The following UGT3A2 variants were observed in gnomAD, a reference collection of about 807,000 sequenced individuals.
UGT3A2 encodes UDP glycosyltransferase family 3 member A2, also known as UDP-glycosyltransferase 3A2.
A neutral mutation model predicts 39.8 loss-of-function variants in UGT3A2; 32 were observed. That is an observed-to-expected ratio of 0.80 (90% CI 0.61 to 1.08). The LOEUF is 1.08. Among genes scored for constraint, UGT3A2 ranks in the 50% least tolerant of loss-of-function variants. UGT3A2 has a pLI of 0.00. For synonymous variants in UGT3A2, 241 were observed against 230.7 expected (o/e 1.04, Z -0.40); for missense variants, 611 against 637.1 (o/e 0.96, Z 0.44).
At chr5:36,055,053 C>T (rs1334379834) in intron 2 of UGT3A2, among the ~76,000 whole-genome samples, 2 of 151,820 alleles carry the variant, frequency 1.3e-5, no homozygotes, top group East Asian at 2.0e-4. Context: ...GCAGGAGAAT[C>T]GCTTAAACCT....
chr5:36,052,770 G>C (rs1369800833), intron 2 of UGT3A2, among the ~76,000 whole-genome samples: 1 of 152,068 alleles, frequency 6.6e-6, no homozygotes, highest in Admixed American at 6.6e-5. Flanking sequence ...CACCCTATGA[G>C]TCATAAACCT....
At chr5:36,066,601 C>A in intron 1 of UGT3A2, 95 bp downstream of exon 1, 2 of 1,590,338 alleles carry the variant, frequency 1.3e-6, no homozygotes, top group Non-Finnish European at 1.7e-6. Context: ...TGGAAAATCA[C>A]GTGGATGACT....
At chr5:36,036,518 G>A (rs1741836595) in intron 6 of UGT3A2, among the ~76,000 whole-genome samples, 1 of 152,134 alleles carries the variant, frequency 6.6e-6, no homozygotes, top group Non-Finnish European at 1.5e-5. Context: ...TTTACACCAG[G>A]TCCTACAAAT....
At chr5:36,062,162 G>A (rs1364843052) in intron 2 of UGT3A2, among the ~76,000 whole-genome samples, 1 of 150,420 alleles carries the variant, frequency 6.6e-6, no homozygotes. Flanking sequence ...AGATGAGTAG[G>A]TTGCGAAAAT....
intron 4 of UGT3A2, among the ~76,000 whole-genome samples, chr5:36,040,414 A>G (rs917783794): frequency 9.2e-5 from 14 of 152,238 alleles, no homozygotes; most frequent in African/African-American, 2.9e-4. Context: ...ACAAAAAAAA[A>G]TGAGGTGAGC....
In UGT3A2 at chr5:36,051,967, T is replaced by C. The variant is rs1477335931; in HGVS notation, c.214A>G (p.Lys72Glu). 6.4e-7 allele frequency: 1 copy of C among 1,566,226 alleles called. No homozygotes were observed. Among genetic ancestry groups the C allele is most frequent in the Non-Finnish European group, 8.6e-7 (1 of 1,164,162 alleles). ...AGCCAACTGATAACTTGATATGATT[T>C]TTCTTCCTTTTTAAAATCTAAGAAA... ...PFMPDFKKEEKSYQVISWLAP... is the reference protein window; with the variant it reads ...PFMPDFKKEEESYQVISWLAP... Residue 72 changes from lysine to glutamate, a missense_variant, in exon 3 of 7, where the codon AAA becomes GAA. By Grantham distance (56) the Lys-to-Glu change is moderately conservative. Transcript: ENST00000282507.
intron 4 of UGT3A2, among the ~76,000 whole-genome samples, chr5:36,046,474 C>A (rs1410674931): frequency 1.3e-5 from 2 of 152,094 alleles, no homozygotes; most frequent in Non-Finnish European, 2.9e-5. Flanking sequence ...ATGGATGAAA[C>A]TAGAATACAT....
chr5:36,056,635 A>G (rs75883205), intron 2 of UGT3A2, among the ~76,000 whole-genome samples: 10,243 of 152,274 alleles, frequency 0.067, 1,238 homozygotes, highest in African/African-American at 0.24. Context: ...CTGACCGTTT[A>G]ATCCTGCAGA....
At position 36,048,958 on chromosome 5, in the gene UGT3A2, A is replaced by G. The variant is rs1425308275; in HGVS notation, c.774T>C (p.Ala258=). 6.2e-7 allele frequency: 1 copy of G among 1,614,208 alleles called. No individual in the cohort carries two copies. The highest frequency in any genetic ancestry group is 1.7e-5 in the Admixed American group (1 of 60,014). Reference sequence around the variant, plus strand: ...AAACAGTGTTGGGAAGCAGAGGTCGAGCAAAATCAAAGGCAAAGTCAGAGT... The same window carrying G: ...AAACAGTGTTGGGAAGCAGAGGTCGGGCAAAATCAAAGGCAAAGTCAGAGT... ...FINSDFAFDF[A]RPLLPNTVYV... Residue 258 remains alanine, a synonymous_variant, in exon 4 of 7, where the codon GCT becomes GCC. Coordinates refer to ENST00000282507, the MANE Select transcript of UGT3A2 (RefSeq NM_174914.4).
chr5:36,047,131 T>C (rs1395959144), intron 4 of UGT3A2, among the ~76,000 whole-genome samples: 1 of 152,214 alleles, frequency 6.6e-6, no homozygotes, highest in African/African-American at 2.4e-5. Context: ...AAAAATGCAG[T>C]TGTTTGTCTC....
chr5:36,045,250 T>C (rs1398343590), intron 4 of UGT3A2, among the ~76,000 whole-genome samples: 2 of 151,712 alleles, frequency 1.3e-5, no homozygotes, highest in Non-Finnish European at 2.9e-5. Flanking sequence ...CAATGAATGG[T>C]GCTAAAAAAA....
intron 2 of UGT3A2, among the ~76,000 whole-genome samples, chr5:36,056,064 T>C (rs1742503436): frequency 6.6e-6 from 1 of 152,318 alleles, no homozygotes; most frequent in South Asian, 2.1e-4. Context: ...GATAGTTTCA[T>C]CTTGATTGGT....
At chr5:36,062,883 T>G (rs1015502916) in intron 2 of UGT3A2, among the ~76,000 whole-genome samples, 2 of 151,796 alleles carry the variant, frequency 1.3e-5, no homozygotes, top group Non-Finnish European at 2.9e-5. Context: ...CTACTAAAAA[T>G]ACAAAAAATT....
intron 4 of UGT3A2, among the ~76,000 whole-genome samples, chr5:36,045,430 C>A (rs1194313144): frequency 6.6e-6 from 1 of 151,774 alleles, no homozygotes; most frequent in Non-Finnish European, 1.5e-5. Context: ...ATGGTGAAAC[C>A]CTGTCTCTAC....
intron 1 of UGT3A2, 109 bp from the exon 2 acceptor site, chr5:36,064,459 T>C (rs1001038307): frequency 4.2e-6 from 4 of 959,592 alleles, no homozygotes; most frequent in African/African-American, 3.3e-5. Flanking sequence ...TGGATAGTGA[T>C]TGGAGGAAGA....
In UGT3A2 at chr5:36,066,808, C is replaced by A. The variant is rs1285584271; in HGVS notation, c.-19G>T. 5 of 1,614,146 alleles carry A rather than the reference C, an allele frequency of 3.1e-6. No homozygotes were observed. The highest frequency in any genetic ancestry group is 1.3e-5 in the African/African-American group (1 of 75,064). ...CAGCCATGCTCACTTCTACGGAAGC[C>A]GCGGATCTCAGCCTGGGCTGCGCGC... is the stretch of plus-strand genomic sequence containing the variant. On this transcript the variant is annotated 5_prime_UTR_variant, in exon 1 of 7. Transcript: ENST00000282507.
intron 2 of UGT3A2, among the ~76,000 whole-genome samples, chr5:36,059,753 T>C (rs1018332201): frequency 1.3e-5 from 2 of 152,234 alleles, no homozygotes; most frequent in African/African-American, 4.8e-5. Context: ...AGCTGAATTG[T>C]AGCTTGTGGA....
rs760016307 is a variant in UGT3A2 at position 36,039,546 on chromosome 5, A to G, written c.1006T>C (p.Trp336Arg). Residue 336 changes from tryptophan to arginine, a missense_variant, in exon 5 of 7, where the codon TGG becomes CGG. Coordinates refer to ENST00000282507, the MANE Select transcript of UGT3A2 (RefSeq NM_174914.4). ...GVIWKCQCSH[W>R]PKDVHLAANV... ...GCAGCCAGGTGGACATCTTTGGGCC[A>G]ATGAGAACACTGACACTTCCATATC... is the stretch of plus-strand genomic sequence containing the variant. 6.2e-7 allele frequency: 1 copy of G among 1,614,196 alleles called. No individual in the cohort carries two copies. The highest frequency in any genetic ancestry group is 8.5e-7 in the Non-Finnish European group (1 of 1,180,040).
chr5:36,035,695 GC>G lies in UGT3A2; in HGVS notation c.*2del. 1 of 1,613,748 alleles carries G rather than the reference GC, an allele frequency of 6.2e-7. No individual in the cohort carries two copies. Among genetic ancestry groups the G allele is most frequent in the Non-Finnish European group, 8.5e-7 (1 of 1,179,742 alleles). ...ACAGACCCCGCCAAGGCTGCACCTGGCCTTATGTCTCCTTCACCTTTCTGGC... is the reference window on the plus strand; with the variant it reads ...ACAGACCCCGCCAAGGCTGCACCTGGCTTATGTCTCCTTCACCTTTCTGGC... On this transcript the variant is annotated 3_prime_UTR_variant, in exon 7 of 7. Coordinates refer to ENST00000282507, the MANE Select transcript of UGT3A2 (RefSeq NM_174914.4).
Sources: gnomAD v4.1 joint callset for allele counts (sites outside exome capture counted in the v4.1 genomes callset) on GRCh38, gnomAD v4.1.1 for gene constraint, MANE v1.5 for transcripts, NCBI Gene and HGNC (gene_info 2026-07-23, HGNC 2026-07-21) for gene names.